The following JARID2 variants were observed in gnomAD, a reference collection of about 807,000 sequenced individuals.
JARID2 encodes protein Jumonji.
A neutral mutation model predicts 125.6 loss-of-function variants in JARID2; 21 were observed. That is an observed-to-expected ratio of 0.17 (90% CI 0.12 to 0.24). The LOEUF (loss-of-function observed/expected upper bound fraction) is 0.24, where lower values mean the gene tolerates loss of function less well. JARID2 is among the 10% of genes least tolerant of loss of function. The pLI is 1.00. For missense variants in JARID2, 1,303 were observed against 1,639.6 expected (o/e 0.79, Z 3.55); for synonymous variants, 736 against 661.6 (o/e 1.11, Z -1.73).
chr6:15,380,676 C>A lies in JARID2; in HGVS notation c.181+6424C>A, dbSNP rs192689448. ...GATGTGGGACATTGTGTAGCCAACACCCCCCAAGCCCCCTTTAAGAAATAT... is the reference window on the plus strand; with the variant it reads ...GATGTGGGACATTGTGTAGCCAACAACCCCCAAGCCCCCTTTAAGAAATAT... On this transcript the variant is annotated intron_variant, in intron 2 of 17. Transcript: ENST00000341776. 1.8e-3 allele frequency among the ~76,000 whole-genome samples: 281 copies of A among 152,242 alleles called. 1 individual carries two copies. Among genetic ancestry groups the A allele is most frequent in the Non-Finnish European group, 2.9e-3 (197 of 68,022 alleles).
chr6:15,358,412 C>T (rs144033118), intron 1 of JARID2, among the ~76,000 whole-genome samples: 102 of 152,208 alleles, frequency 6.7e-4, no homozygotes, highest in East Asian at 3.9e-3. Context: ...CAGAGTTTCC[C>T]GATACTGGTA....
intron 1 of JARID2, among the ~76,000 whole-genome samples, chr6:15,344,355 T>G (rs1044492075): frequency 2.6e-5 from 4 of 152,002 alleles, no homozygotes; most frequent in African/African-American, 9.7e-5. Context: ...CTTGCTTACC[T>G]TGGGATGTGG....
chr6:15,331,910 T>A (rs1428087921), intron 1 of JARID2, among the ~76,000 whole-genome samples: 3 of 152,146 alleles, frequency 2.0e-5, no homozygotes, highest in African/African-American at 7.2e-5. Flanking sequence ...AAATAGAAAA[T>A]TCTAATTCAT....
intron 6 of JARID2, among the ~76,000 whole-genome samples, chr6:15,494,687 C>T (rs1347118931): frequency 2.0e-5 from 3 of 152,284 alleles, no homozygotes; most frequent in East Asian, 1.9e-4. Flanking sequence ...GGATTACAGG[C>T]GCCTTTGGGA....
At chr6:15,334,037 A>G (rs1331761740) in intron 1 of JARID2, among the ~76,000 whole-genome samples, 1 of 152,190 alleles carries the variant, frequency 6.6e-6, no homozygotes, top group Non-Finnish European at 1.5e-5. Context: ...GCGGAAGTCC[A>G]TAACCCCAAA....
chr6:15,400,805 G>C, intron 2 of JARID2: 4 of 1,240,782 alleles, frequency 3.2e-6, no homozygotes, highest in Non-Finnish European at 2.1e-6. Flanking sequence ...TCCTATTGCC[G>C]CGCGGAATCT....
chr6:15,334,643 T>A (rs1432149886), intron 1 of JARID2, among the ~76,000 whole-genome samples: 1 of 152,188 alleles, frequency 6.6e-6, no homozygotes, highest in Non-Finnish European at 1.5e-5. Context: ...ATGGGCCAAG[T>A]CAGGTACAGG....
At chr6:15,397,976 A>G (rs1765280186) in intron 2 of JARID2, among the ~76,000 whole-genome samples, 1 of 152,246 alleles carries the variant, frequency 6.6e-6, no homozygotes, top group African/African-American at 2.4e-5. Flanking sequence ...TTGTGTAATA[A>G]TGAAAATGGA....
chr6:15,370,060 G>A lies in JARID2; in HGVS notation c.46-4057G>A, dbSNP rs144698865. ...ACTGGATGTTAGACACTGGCAGGGC[G>A]AGTAGGGGTAAATAAATGTCAGTGG... On this transcript the variant is annotated intron_variant, in intron 1 of 17. Transcript: ENST00000341776. Among the ~76,000 whole-genome samples the A allele has an allele frequency of 3.3e-5, 5 of 152,184 alleles. No homozygotes were observed. The East Asian group carries it at 7.7e-4, about 23-fold the overall frequency.
intron 5 of JARID2, among the ~76,000 whole-genome samples, chr6:15,481,991 G>C (rs1769641868): frequency 6.6e-6 from 1 of 152,154 alleles, no homozygotes; most frequent in Non-Finnish European, 1.5e-5. Context: ...ATTTTCCTGA[G>C]CAGTAGGTTT....
chr6:15,370,327 G>C (rs1235210593), intron 1 of JARID2, among the ~76,000 whole-genome samples: 1 of 117,142 alleles, frequency 8.5e-6, no homozygotes, highest in Non-Finnish European at 1.7e-5. Flanking sequence ...TTGTATCTGG[G>C]CTGTTTTTTT....
intron 4 of JARID2, among the ~76,000 whole-genome samples, chr6:15,455,247 T>G (rs1768106999): frequency 6.6e-6 from 1 of 152,090 alleles, no homozygotes; most frequent in African/African-American, 2.4e-5. Flanking sequence ...GACTTTGGTC[T>G]TGCGTGGCTT....
Position 15,520,689 on chromosome 6 carries a change from G to GCA in JARID2, c.*454_*455dup, listed in dbSNP as rs112303618. 0.22 allele frequency: 85,254 copies of GCA among 389,376 alleles called. 6,166 individuals carry two copies. Among genetic ancestry groups the GCA allele is most frequent in the Non-Finnish European group, 0.26 (49,330 of 191,930 alleles). The allele number at this position is 389,376 out of a possible 1,614,324, so 24.1% of individuals were successfully genotyped here. A position where few individuals can be genotyped will look rare whatever the true frequency, so the allele number is the denominator to read the frequency against. On this transcript the variant is annotated 3_prime_UTR_variant, in exon 18 of 18. Coordinates refer to ENST00000341776, the MANE Select transcript of JARID2 (RefSeq NM_004973.4). The stretch of plus-strand genomic sequence containing the variant: ...TTTAGAAGGGATAGGAGACACACGC[G>GCA]CACACACACACACACACGAAACTTG...
intron 1 of JARID2, among the ~76,000 whole-genome samples, chr6:15,290,955 A>G (rs1351812250): frequency 6.6e-6 from 1 of 150,470 alleles, no homozygotes; most frequent in African/African-American, 2.4e-5. Context: ...TTGAAAATTC[A>G]CGAGGCCAGG....
chr6:15,493,378 A>AC (rs1581639690), intron 6 of JARID2, among the ~76,000 whole-genome samples: 1 of 152,184 alleles, frequency 6.6e-6, no homozygotes, highest in African/African-American at 2.4e-5. Context: ...AAAACACTGA[A>AC]CTAAACCTCA....
intron 1 of JARID2, among the ~76,000 whole-genome samples, chr6:15,261,168 C>G (rs1759856742): frequency 6.6e-6 from 1 of 152,114 alleles, no homozygotes; most frequent in Non-Finnish European, 1.5e-5. Context: ...AAGAAGAGTC[C>G]TATTACTACT....
chr6:15,489,804 G>C (rs1298689748), intron 6 of JARID2, among the ~76,000 whole-genome samples: 1 of 152,220 alleles, frequency 6.6e-6, no homozygotes, highest in Non-Finnish European at 1.5e-5. Flanking sequence ...GGAGCGCCAT[G>C]TGCTCATGCA....
rs561172762 is a variant in JARID2, at chr6:15,264,605, A to G, written c.45+18021A>G. On this transcript the variant is annotated intron_variant, in intron 1 of 17. Coordinates refer to ENST00000341776, the MANE Select transcript of JARID2 (RefSeq NM_004973.4). ...AGACACCCACCTCAGTTTAGAAGGT[A>G]GGTGTGAGTGTGTGTGTGTGTGTGT... 1.4e-3 allele frequency among the ~76,000 whole-genome samples: 167 copies of G among 116,030 alleles called. No homozygotes were observed. The Middle Eastern group carries it at 0.025, about 17-fold the overall frequency. 76.1% of individuals were successfully genotyped at this position (116,030 alleles called of 152,430 possible). A position where few individuals can be genotyped will look rare whatever the true frequency, so the allele number is the denominator to read the frequency against.
chr6:15,346,593 TTC>T (rs1436366628), intron 1 of JARID2, among the ~76,000 whole-genome samples: 1 of 151,888 alleles, frequency 6.6e-6, no homozygotes, highest in African/African-American at 2.4e-5. Context: ...CCTAACCCAC[TTC>T]TCTGGGAGAG....
Sources: allele counts gnomAD v4.1 joint callset (sites outside exome capture counted in the v4.1 genomes callset), GRCh38; gene constraint gnomAD v4.1.1; transcripts MANE v1.5; gene names NCBI Gene and HGNC (gene_info 2026-07-23, HGNC 2026-07-21).